Variants in UBQLN1 observed in about 807,000 individuals in gnomAD.
The protein encoded by UBQLN1 is ubiquilin-1.
In UBQLN1, 13 loss-of-function variants were observed where a neutral mutation model predicts 65.4. The ratio of observed to expected loss-of-function variants is 0.20; its 90% CI spans 0.13 to 0.32. UBQLN1 has a LOEUF of 0.32. Among genes scored for constraint, UBQLN1 ranks in the 10% least tolerant of loss-of-function variants. The pLI is 1.00. For missense variants in UBQLN1, 561 were observed against 724.0 expected (o/e 0.77, Z 2.58); for synonymous variants, 267 against 247.8 (o/e 1.08, Z -0.73).
At chr9:83,662,132 G>A (rs1831568354) in intron 10 of UBQLN1, among the ~76,000 whole-genome samples, 193 bp from the exon 11 acceptor site, 1 of 152,104 alleles carries the variant, frequency 6.6e-6, no homozygotes, top group African/African-American at 2.4e-5. Flanking sequence ...AGTCTAGTTT[G>A]TACCTAAATA....
At position 83,707,606 on chromosome 9, in the gene UBQLN1, G is replaced by A. The variant is rs776552362; in HGVS notation, c.74C>T (p.Ala25Val). The A allele has an allele frequency of 6.9e-6, 11 of 1,597,026 alleles. No individual in the cohort carries two copies. In the African/African-American group the frequency reaches 9.4e-5, roughly 14 times the overall value. The change falls in exon 1 of 11, where the codon GCC becomes GTC. Residue 25 changes from alanine (A) to valine (V), a missense_variant. Ala to Val is a moderately conservative substitution (Grantham distance 64). Coordinates refer to ENST00000376395, the MANE Select transcript of UBQLN1 (RefSeq NM_013438.5). ...DSAAGAEGAG[A>V]PAAAASAEPK... is the part of the protein sequence containing the mutation. ...CTCCGCGGAGGCAGCGGCCGCGGGG[G>A]CGCCAGCACCTTCGGCTCCGGCGGC...
At chr9:83,681,694 G>C (rs1831943154) in intron 3 of UBQLN1, among the ~76,000 whole-genome samples, 1 of 152,214 alleles carries the variant, frequency 6.6e-6, no homozygotes, top group Non-Finnish European at 1.5e-5. Context: ...GTAGCAGATA[G>C]CAGTGCTCAC....
intron 1 of UBQLN1, among the ~76,000 whole-genome samples, chr9:83,687,638 A>G (rs1005712621): frequency 2.6e-5 from 4 of 152,198 alleles, no homozygotes; most frequent in Admixed American, 2.0e-4. Context: ...GGGACAAGGA[A>G]GGGAAGGCAT....
intron 2 of UBQLN1, among the ~76,000 whole-genome samples, chr9:83,683,938 T>C (rs543817111): frequency 1.3e-5 from 2 of 151,964 alleles, no homozygotes; most frequent in African/African-American, 2.4e-5. Context: ...GGAAGACTAC[T>C]TGAACCCAGG....
At chr9:83,672,010 T>C (rs954501443) in intron 6 of UBQLN1, among the ~76,000 whole-genome samples, 6 of 152,260 alleles carry the variant, frequency 3.9e-5, no homozygotes, top group Admixed American at 6.5e-5. Context: ...CCTCACCTTG[T>C]ACCTTTACAT....
At chr9:83,669,518 GAA>G (rs1468840732) in intron 6 of UBQLN1, among the ~76,000 whole-genome samples, 191 bp from the exon 7 acceptor site, 1 of 152,118 alleles carries the variant, frequency 6.6e-6, no homozygotes, top group Non-Finnish European at 1.5e-5. Context: ...CATATACCAG[GAA>G]AAGAGGACTG....
intron 1 of UBQLN1, among the ~76,000 whole-genome samples, chr9:83,703,281 C>T (rs1488146404): frequency 2.0e-5 from 3 of 152,070 alleles, no homozygotes; most frequent in Non-Finnish European, 4.4e-5. Flanking sequence ...CTGAAATGCT[C>T]CAAAATCTGA....
At chr9:83,680,789 G>A (rs577249260) in intron 3 of UBQLN1, among the ~76,000 whole-genome samples, 1 of 152,312 alleles carries the variant, frequency 6.6e-6, no homozygotes, top group Admixed American at 6.5e-5. Flanking sequence ...CTGAGGAGGA[G>A]GTCAGGGGAA....
At chr9:83,667,759 T>A (rs17086543) in intron 7 of UBQLN1, 1 of 976,526 alleles carries the variant, frequency 1.0e-6, no homozygotes, top group Non-Finnish European at 1.2e-6. Context: ...TGAGTGCTTA[T>A]ACCACAAGTT....
Position 83,707,802 on chromosome 9 carries a change from A to G in UBQLN1, c.-123T>C. On this transcript the variant is annotated 5_prime_UTR_variant, in exon 1 of 11. Transcript: ENST00000376395. ...CGAAGAATGCAGAGCACGCCGCCTCAGTAGCAACGGGCGCAGGGCCACCGT... is the reference window on the plus strand; with the variant it reads ...CGAAGAATGCAGAGCACGCCGCCTCGGTAGCAACGGGCGCAGGGCCACCGT... 8.9e-6 allele frequency: 12 copies of G among 1,353,394 alleles called. No individual in the cohort carries two copies. Among genetic ancestry groups the G allele is most frequent in the Non-Finnish European group, 1.2e-5 (12 of 1,041,954 alleles). The allele number at this position is 1,353,394 out of a possible 1,614,324, so 83.8% of individuals were successfully genotyped here. A position where few individuals can be genotyped will look rare whatever the true frequency, so the allele number is the denominator to read the frequency against.
rs1316359533 is a variant in UBQLN1, at chr9:83,680,113, T to C, written c.449-76A>G. On this transcript the variant is annotated intron_variant, in intron 3 of 10. Coordinates refer to ENST00000376395, the MANE Select transcript of UBQLN1 (RefSeq NM_013438.5). ...ATTAACATGACATAAAATATGAAGA[T>C]GCAAAAAAGTATTAGCTGACCCAAT... is the stretch of plus-strand genomic sequence containing the variant. 1.5e-5 allele frequency: 22 copies of C among 1,449,424 alleles called. No homozygotes were observed. The South Asian group carries it at 2.8e-4, about 18-fold the overall frequency. The allele number at this position is 1,449,424 out of a possible 1,614,324, so 89.8% of individuals were successfully genotyped here.
intron 1 of UBQLN1, among the ~76,000 whole-genome samples, chr9:83,697,988 G>A (rs935788629): frequency 1.3e-5 from 2 of 152,042 alleles, no homozygotes; most frequent in African/African-American, 2.4e-5. Context: ...CACCCGCCTC[G>A]GCCTCCCAGA....
intron 6 of UBQLN1, among the ~76,000 whole-genome samples, chr9:83,672,716 A>T (rs1471147561): frequency 1.3e-5 from 2 of 152,250 alleles, no homozygotes; most frequent in Non-Finnish European, 2.9e-5. Flanking sequence ...TCAAAATGTG[A>T]CACAGAGACA....
Position 83,679,809 on chromosome 9 carries a change from C to T in UBQLN1, c.677G>A (p.Ser226Asn). ...TATATCTGGATTATTCAACATATGA[C>T]TAATTTCTGGATTTCTCTGTATCAA... is the stretch of plus-strand genomic sequence containing the variant. ...QQLIQRNPEI[S>N]HMLNNPDIMR... is the part of the protein sequence containing the mutation. Residue 226 changes from serine (S) to asparagine (N), a missense_variant, in exon 4 of 11, where the codon AGT becomes AAT. Ser to Asn is a conservative substitution (Grantham distance 46, BLOSUM62 1). Around this residue, in one of 8 missense-constraint regions of UBQLN1, gnomAD observed 75 missense variants for 138.9 expected, o/e 0.54. Coordinates refer to ENST00000376395, the MANE Select transcript of UBQLN1 (RefSeq NM_013438.5). The T allele has an allele frequency of 6.2e-7, 1 of 1,614,112 alleles. No homozygotes were observed. The highest frequency in any genetic ancestry group is 2.2e-5 in the East Asian group (1 of 44,874).
intron 1 of UBQLN1, among the ~76,000 whole-genome samples, chr9:83,701,367 T>TAC (rs1832306819): frequency 1.3e-5 from 2 of 152,106 alleles, no homozygotes; most frequent in Admixed American, 6.5e-5. Context: ...TCCCACACCT[T>TAC]AAAGACTCTA....
chr9:83,678,587 C>T lies in UBQLN1; in HGVS notation c.724G>A (p.Ala242Thr). 8 of 1,601,230 alleles carry T rather than the reference C, an allele frequency of 5.0e-6. No homozygotes were observed. In the South Asian group the frequency reaches 8.0e-5, roughly 16 times the overall value. ...PDIMRQTLEL[A>T]RNPAMMQEMM... ...TCCTGCATCATTGCTGGATTCCTGG[C>T]AAGTTCCAACGTCTACGAAAAATAT... The change falls in exon 5 of 11, where the codon GCC becomes ACC. Residue 242 changes from alanine to threonine, a missense_variant. Ala to Thr is a moderately conservative substitution (Grantham distance 58). Transcript: ENST00000376395.
rs765148115 is a variant in UBQLN1, at chr9:83,677,751, G to C, written c.1081C>G (p.Pro361Ala). The C allele has an allele frequency of 1.2e-6, 2 of 1,612,994 alleles. No individual in the cohort carries two copies. The highest frequency in any genetic ancestry group is 1.7e-6 in the Non-Finnish European group (2 of 1,179,318). ...SGTSGQSTTAPNLVPGVGASM... is the reference protein window; with the variant it reads ...SGTSGQSTTAANLVPGVGASM... ...CCTCCTACTCCAGGCACCAAATTTGGCGCAGTAGTACTCTGCCCAGAAGTG... is the reference window on the plus strand; with the variant it reads ...CCTCCTACTCCAGGCACCAAATTTGCCGCAGTAGTACTCTGCCCAGAAGTG... The change falls in exon 6 of 11, where the codon CCA (proline) becomes GCA (alanine). Residue 361 changes from proline (P) to alanine (A), a missense_variant. Physicochemically the swap from Pro to Ala is conservative, Grantham distance 27. Transcript: ENST00000376395.
chr9:83,703,105 C>T (rs1458329124), intron 1 of UBQLN1, among the ~76,000 whole-genome samples: 1 of 151,740 alleles, frequency 6.6e-6, no homozygotes, highest in Admixed American at 6.6e-5. Flanking sequence ...TTATCTTGCT[C>T]GTGGATACTT....
intron 6 of UBQLN1, among the ~76,000 whole-genome samples, chr9:83,677,166 G>C (rs1448044497): frequency 6.6e-6 from 1 of 152,076 alleles, no homozygotes; most frequent in Non-Finnish European, 1.5e-5. Flanking sequence ...TACAAAACCA[G>C]GCTAAAGACA....
Sources: gnomAD v4.1 joint callset for allele counts (sites outside exome capture counted in the v4.1 genomes callset) on GRCh38, gnomAD v4.1.1 for gene constraint, gnomAD v4.1.1 regional missense constraint, MANE v1.5 for transcripts, NCBI Gene and HGNC (gene_info 2026-07-23, HGNC 2026-07-21) for gene names.